The following IGSF9 variants were observed in gnomAD, a reference collection of about 807,000 sequenced individuals.
The protein encoded by IGSF9 is immunoglobulin superfamily member 9.
IGSF9 carries 87 observed loss-of-function variants against 121.7 expected under a neutral mutation model. The ratio of observed to expected loss-of-function variants is 0.71; its 90% CI spans 0.60 to 0.85. The LOEUF is 0.85. Among genes scored for constraint, IGSF9 ranks in the 40% least tolerant of loss-of-function variants. The pLI is 0.00. For missense variants in IGSF9, 1,462 were observed against 1,565.3 expected (o/e 0.93, Z 1.11); for synonymous variants, 640 against 648.4 (o/e 0.99, Z 0.20).
Position 159,928,284 on chromosome 1 carries a change from C to G in IGSF9, c.3104G>C (p.Arg1035Pro). 6.2e-7 allele frequency: 1 copy of G among 1,612,642 alleles called. No individual in the cohort carries two copies. The highest frequency in any genetic ancestry group is 1.1e-5 in the South Asian group (1 of 90,950). Residue 1035 changes from arginine to proline, a missense_variant, in exon 19 of 21, where the codon CGG (arginine) becomes CCG (proline). Physicochemically the swap from Arg to Pro is moderately radical, Grantham distance 103. Coordinates refer to ENST00000368094, the MANE Select transcript of IGSF9 (RefSeq NM_001135050.2). Reference sequence around the variant, plus strand: ...TGCAGAGGGGGCTGTGGAGGGGGGCCGCAGGAACGAAGCGCTGCCTCGCCC... The same window carrying G: ...TGCAGAGGGGGCTGTGGAGGGGGGCGGCAGGAACGAAGCGCTGCCTCGCCC... Reference protein sequence around the residue: ...SSGRGSASFLRPPSTAPSAGG... With the variant: ...SSGRGSASFLPPPSTAPSAGG...
In IGSF9 at chr1:159,942,980, A is replaced by G; in HGVS notation, c.230T>C (p.Ile77Thr). Residue 77 changes from isoleucine (I) to threonine (T), a missense_variant, in exon 3 of 21, where the codon ATT (isoleucine) becomes ACT (threonine). By Grantham distance (89) the Ile-to-Thr change is moderately conservative. Transcript: ENST00000368094. Reference protein sequence around the residue: ...FIQFGLYSPRIDPDYVGRVRL... With the variant: ...FIQFGLYSPRTDPDYVGRVRL... ...ACTCTTACCCACGTAATCAGGGTCA[A>G]TTCGGGGAGAGTAGAGGCCGAACTG... The G allele has an allele frequency of 6.2e-7, 1 of 1,613,202 alleles. No individual in the cohort carries two copies. The highest frequency in any genetic ancestry group is 8.5e-7 in the Non-Finnish European group (1 of 1,179,602).
intron 7 of IGSF9, 26 bp from the exon 8 acceptor site, chr1:159,934,596 G>A (rs374799139): frequency 9.9e-6 from 16 of 1,612,996 alleles, no homozygotes; most frequent in African/African-American, 2.7e-5. Flanking sequence ...TGTGAGGAGG[G>A]GTCCAGGCCT....
At chr1:159,937,566 G>A (rs1308240142) in intron 4 of IGSF9, 120 bp downstream of exon 4, 8 of 1,098,026 alleles carry the variant, frequency 7.3e-6, no homozygotes, top group African/African-American at 3.1e-5. Context: ...GGAAGGGTGG[G>A]GCATCAGAGC....
chr1:159,930,997 A>C, intron 13 of IGSF9, 130 bp from the exon 14 acceptor site: 2 of 1,456,968 alleles, frequency 1.4e-6, no homozygotes, highest in Non-Finnish European at 1.9e-6. Flanking sequence ...TGAATGCCTC[A>C]GAATCTGGAA....
rs1651130361 is a variant in IGSF9, at chr1:159,934,791, G to A, written c.705C>T (p.Asn235=). 3 of 1,614,204 alleles carry A rather than the reference G, an allele frequency of 1.9e-6. No individual in the cohort carries two copies. The highest frequency in any genetic ancestry group is 2.5e-6 in the Non-Finnish European group (3 of 1,180,030). Residue 235 remains asparagine (N), a synonymous_variant, in exon 7 of 21, where the codon AAC becomes AAT. Coordinates refer to ENST00000368094, the MANE Select transcript of IGSF9 (RefSeq NM_001135050.2). Reference sequence around the variant, plus strand: ...CATCCTGGGAGGCATTGACTGTGCTGTTCTTGGGGGGCACCACGATGACTG... The same window carrying A: ...CATCCTGGGAGGCATTGACTGTGCTATTCTTGGGGGGCACCACGATGACTG... ...GPPVIVVPPK[N]STVNASQDVS... is the part of the protein sequence containing the mutation.
chr1:159,940,894 CTA>C (rs1304526982), intron 3 of IGSF9, among the ~76,000 whole-genome samples: 1 of 152,192 alleles, frequency 6.6e-6, no homozygotes, highest in East Asian at 1.9e-4. Context: ...ATGAGTTGGT[CTA>C]AGACCCACCT....
rs575352607 is a variant in IGSF9 at position 159,927,095 on chromosome 1, C to CAGAG, written c.*249_*250insCTCT. 9.4e-3 allele frequency: 4,244 copies of CAGAG among 449,148 alleles called. 24 individuals carry two copies. The highest frequency in any genetic ancestry group is 0.023 in the African/African-American group (1,103 of 46,998). The allele number at this position is 449,148 out of a possible 1,614,324, so 27.8% of individuals were successfully genotyped here. On this transcript the variant is annotated 3_prime_UTR_variant, in exon 21 of 21. Transcript: ENST00000368094. The stretch of plus-strand genomic sequence containing the variant: ...AAAACTTCACACACACACACACACA[C>CAGAG]ACAGAGAGAGAGAGAGAGAGAGAGA...
chr1:159,929,764 G>T lies in IGSF9; in HGVS notation c.2200C>A (p.Pro734Thr), dbSNP rs1293611269. ...CCGCCCACCACGCCGGCCAGCACGG[G>T]CTGAGGCAGGAGGCCCGGCAGCTGC... The part of the protein sequence containing the change: ...RTQLPGLLPQ[P>T]VLAGVVGGVC... Residue 734 changes from proline to threonine, a missense_variant, in exon 17 of 21, where the codon CCC becomes ACC. Pro to Thr is a conservative substitution (Grantham distance 38). This residue lies in a region of IGSF9 where 808 missense variants were observed against 815.2 expected (regional missense o/e 0.99). Coordinates refer to ENST00000368094, the MANE Select transcript of IGSF9 (RefSeq NM_001135050.2). 6.2e-7 allele frequency: 1 copy of T among 1,606,322 alleles called. No individual in the cohort carries two copies.
chr1:159,937,817 C>A lies in IGSF9; in HGVS notation c.269G>T (p.Gly90Val). ...GAGACCCTCAATCTGGAGAGAGGCC[C>A]CCTTCTGCAGCCGGACTCGTCCTGG... ...DYVGRVRLQK[G>V]ASLQIEGLRV... The change falls in exon 4 of 21, where the codon GGG becomes GTG. Residue 90 changes from glycine to valine, a missense_variant. Physicochemically the swap from Gly to Val is moderately radical, Grantham distance 109. This residue lies in a region of IGSF9 where 558 missense variants were observed against 599.4 expected (regional missense o/e 0.93). Transcript: ENST00000368094. The A allele has an allele frequency of 1.2e-6, 2 of 1,613,966 alleles. No individual in the cohort carries two copies. The highest frequency in any genetic ancestry group is 1.7e-6 in the Non-Finnish European group (2 of 1,179,922).
chr1:159,931,495 C>T lies in IGSF9; in HGVS notation c.1471G>A (p.Ala491Thr). The change falls in exon 12 of 21, where the codon GCT becomes ACT. Residue 491 changes from alanine (A) to threonine (T), a missense_variant. Ala to Thr is a moderately conservative substitution (Grantham distance 58). Coordinates refer to ENST00000368094, the MANE Select transcript of IGSF9 (RefSeq NM_001135050.2). The surrounding 1 kb of genome is among the most constrained non-coding windows in gnomAD (Gnocchi z 4.8). ...GTGGAGGTGGCCACTCGGGCCACAG[C>T]ATTGCTGGCACTGCATTCCCAGTGC... ...HGHWECSASN[A>T]VARVATSTNV... The T allele has an allele frequency of 6.2e-7, 1 of 1,614,182 alleles. No homozygotes were observed. The highest frequency in any genetic ancestry group is 8.5e-7 in the Non-Finnish European group (1 of 1,180,010).
chr1:159,937,029 A>G, intron 4 of IGSF9, 121 bp from the exon 5 acceptor site: 1 of 964,006 alleles, frequency 1.0e-6, no homozygotes, highest in Non-Finnish European at 1.6e-6. Flanking sequence ...CCTGCCTCAT[A>G]GGAGTCCTCA....
At chr1:159,934,966 C>G (rs1651135514) in intron 6 of IGSF9, 144 bp from the exon 7 acceptor site, 2 of 871,536 alleles carry the variant, frequency 2.3e-6, no homozygotes, top group Non-Finnish European at 3.5e-6. Flanking sequence ...GAAGCAGAAG[C>G]TTCCCCCTGT....
Position 159,928,159 on chromosome 1 carries a change from T to A in IGSF9, c.3229A>T (p.Arg1077Trp). ...RREHVVTVSK[R>W]RNTSVDENYE... ...GGGATGGGCAGGGACTGCTCTCACC[T>A]CTTGCTGACTGTCACCACATGCTCC... The change falls in exon 19 of 21, where the codon AGG (arginine) becomes TGG (tryptophan). Residue 1077 changes from arginine (R) to tryptophan (W), a missense_variant and splice_region_variant. Transcript: ENST00000368094. 6.2e-7 allele frequency: 1 copy of A among 1,606,314 alleles called. No homozygotes were observed. The highest frequency in any genetic ancestry group is 1.1e-5 in the South Asian group (1 of 91,038).
Position 159,934,536 on chromosome 1 carries a change from C to G in IGSF9, c.850G>C (p.Gly284Arg). The G allele has an allele frequency of 1.9e-6, 3 of 1,613,834 alleles. No homozygotes were observed. The highest frequency in any genetic ancestry group is 2.5e-6 in the Non-Finnish European group (3 of 1,179,876). The stretch of plus-strand genomic sequence containing the variant: ...TGGGTGGCCAGCAGCCGCAGGCTCC[C>G]GTCCACCAGGATCCGCACCCGGGGC... Reference protein sequence around the residue: ...LQPRVRILVDGSLRLLATQPD... With the variant: ...LQPRVRILVDRSLRLLATQPD... The change falls in exon 8 of 21, where the codon GGG becomes CGG. Residue 284 changes from glycine to arginine, a missense_variant. By Grantham distance (125) the Gly-to-Arg change is moderately radical. Around this residue, in one of 3 missense-constraint regions of IGSF9, gnomAD observed 558 missense variants for 599.4 expected, o/e 0.93. Transcript: ENST00000368094.
chr1:159,932,526 G>A lies in IGSF9; in HGVS notation c.1231C>T (p.Arg411Cys), dbSNP rs1345735278. Residue 411 changes from arginine (R) to cysteine (C), a missense_variant, in exon 10 of 21, where the codon CGC (arginine) becomes TGC (cysteine). Physicochemically the swap from Arg to Cys is radical, Grantham distance 180 (BLOSUM62 -3). This residue lies in a region of IGSF9 where 558 missense variants were observed against 599.4 expected (regional missense o/e 0.93). Coordinates refer to ENST00000368094, the MANE Select transcript of IGSF9 (RefSeq NM_001135050.2). This position sits in a 1 kb window ranked among gnomAD's most constrained non-coding sequence, Gnocchi z 4.1. ...LGTAGPSPVTRVLLKAPPAFI... is the reference protein window; with the variant it reads ...LGTAGPSPVTCVLLKAPPAFI... ...CCCGGCCTAACCTTGAGCAGCACGCGGGTCACAGGAGAGGGCCCGGCGGTA... is the reference window on the plus strand; with the variant it reads ...CCCGGCCTAACCTTGAGCAGCACGCAGGTCACAGGAGAGGGCCCGGCGGTA... 11 of 1,612,404 alleles carry A rather than the reference G, an allele frequency of 6.8e-6. No individual in the cohort carries two copies. Among genetic ancestry groups the A allele is most frequent in the Admixed American group, 3.3e-5 (2 of 59,932 alleles).
chr1:159,936,711 T>C (rs779312136), intron 5 of IGSF9, 43 bp downstream of exon 5: 1 of 1,604,700 alleles, frequency 6.2e-7, no homozygotes, highest in Non-Finnish European at 8.5e-7. Flanking sequence ...CCACCTTCCC[T>C]TCACACTCTA....
rs1651216670 is a variant in IGSF9 at position 159,937,062 on chromosome 1, G to C, written c.401-154C>G. Reference sequence around the variant, plus strand: ...TCAGCCCAGGGCCACCCTGTCTACTGCACCCAGGCCAAATGAGGATTCTGT... The same window carrying C: ...TCAGCCCAGGGCCACCCTGTCTACTCCACCCAGGCCAAATGAGGATTCTGT... On this transcript the variant is annotated intron_variant, in intron 4 of 20. Coordinates refer to ENST00000368094, the MANE Select transcript of IGSF9 (RefSeq NM_001135050.2). 2.0e-5 allele frequency among the ~76,000 whole-genome samples: 3 copies of C among 152,204 alleles called. 1 individual carries two copies. In the South Asian group the frequency reaches 6.2e-4, roughly 31 times the overall value.
At position 159,932,127 on chromosome 1, in the gene IGSF9, G is replaced by A. The variant is rs571481952; in HGVS notation, c.1246-199C>T. On this transcript the variant is annotated intron_variant, in intron 10 of 20. Transcript: ENST00000368094. This position sits in a 1 kb window ranked among gnomAD's most constrained non-coding sequence, Gnocchi z 4.1. Reference sequence around the variant, plus strand: ...TCTGGCTCTGTTTCTGTTCCCCAGTGGGTAGGGGCTGGAGGAAAATGGTGG... The same window carrying A: ...TCTGGCTCTGTTTCTGTTCCCCAGTAGGTAGGGGCTGGAGGAAAATGGTGG... The A allele has an allele frequency of 3.5e-6, 2 of 573,514 alleles. No homozygotes were observed. Among genetic ancestry groups the A allele is most frequent in the African/African-American group, 1.9e-5 (1 of 53,082 alleles). 35.5% of individuals were successfully genotyped at this position (573,514 alleles called of 1,614,324 possible). A position where few individuals can be genotyped will look rare whatever the true frequency, so the allele number is the denominator to read the frequency against.
chr1:159,934,141 C>A, intron 9 of IGSF9, 49 bp downstream of exon 9: 1 of 1,574,206 alleles, frequency 6.4e-7, no homozygotes, highest in Non-Finnish European at 8.6e-7. Context: ...CTGTCCTGAG[C>A]AGAATAACGC....
Sources: allele counts gnomAD v4.1 joint callset (sites outside exome capture counted in the v4.1 genomes callset), GRCh38; gene constraint gnomAD v4.1.1; regional missense constraint gnomAD v4.1.1; non-coding constraint Gnocchi (gnomAD v3.1); transcripts MANE v1.5; gene names NCBI Gene and HGNC (gene_info 2026-07-23, HGNC 2026-07-21).